The following AGBL1 variants were observed in gnomAD, a reference collection of about 807,000 sequenced individuals.
AGBL1 encodes cytosolic carboxypeptidase 4.
A neutral mutation model predicts 118.9 loss-of-function variants in AGBL1; 130 were observed. That is an observed-to-expected ratio of 1.09 (90% confidence interval 0.95 to 1.26). The LOEUF (loss-of-function observed/expected upper bound fraction) is 1.26. Among genes scored for constraint, AGBL1 ranks in the 50% most tolerant of loss-of-function variants. The probability of loss-of-function intolerance (pLI) is 0.00; values close to 1 mark genes in which losing one functional copy is unlikely to be tolerated. For missense variants in AGBL1, 1,584 were observed against 1,298.1 expected, an observed-to-expected ratio of 1.22 and a Z score of -3.38; for synonymous variants, 555 against 478.9, an observed-to-expected ratio of 1.16 and a Z score of -2.08.
intron 22 of AGBL1, among the ~76,000 whole-genome samples, chr15:86,885,668 T>C (rs2079959578): frequency 6.6e-6 from 1 of 152,180 alleles, no homozygotes; most frequent in Non-Finnish European, 1.5e-5. Flanking sequence ...CAATAAGATA[T>C]AGATAACTGT....
intron 22 of AGBL1, among the ~76,000 whole-genome samples, chr15:86,705,953 C>T (rs1251002934): frequency 6.8e-6 from 1 of 146,818 alleles, no homozygotes; most frequent in Non-Finnish European, 1.5e-5. Context: ...AACCATCTCT[C>T]TTACTTCATC....
At chr15:86,409,299 A>G (rs1245099728) in intron 18 of AGBL1, among the ~76,000 whole-genome samples, 1 of 152,222 alleles carries the variant, frequency 6.6e-6, no homozygotes, top group African/African-American at 2.4e-5. Flanking sequence ...AACACACTCA[A>G]TCTTTCTGAT....
Position 86,855,884 on chromosome 15 carries a change from G to A in AGBL1, c.3159-51203G>A, listed in dbSNP as rs922837658. On this transcript the variant is annotated intron_variant, in intron 22 of 22. Coordinates refer to ENST00000614907, the MANE Select transcript of AGBL1 (RefSeq NM_001386094.1). ...GATCTGCAGAGGGGTTCATCGTGTC[G>A]TCTTCTCTAGCAGCTCCTGATGAGA... 1.4e-4 allele frequency among the ~76,000 whole-genome samples: 22 copies of A among 152,240 alleles called. 1 individual carries two copies. Among genetic ancestry groups the A allele is most frequent in the Admixed American group, 1.1e-3 (17 of 15,298 alleles).
At chr15:87,003,292 G>A (rs56057540) in intron 24 of AGBL1, among the ~76,000 whole-genome samples, 3,034 of 152,100 alleles carry the variant, frequency 0.02, 48 homozygotes, top group Non-Finnish European at 0.033. Context: ...CTTGATTTGC[G>A]TATGTTGAAC....
intron 20 of AGBL1, among the ~76,000 whole-genome samples, chr15:86,547,654 G>A (rs546718366): frequency 6.6e-6 from 1 of 152,282 alleles, no homozygotes; most frequent in East Asian, 1.9e-4. Flanking sequence ...TTCTGCCTAT[G>A]AGAATAAGGA....
At position 87,007,783 on chromosome 15, in the gene AGBL1, G is replaced by C. The variant is rs376888641; in HGVS notation, c.3323+19695G>C. 1.1e-4 allele frequency among the ~76,000 whole-genome samples: 17 copies of C among 152,300 alleles called. 1 individual carries two copies. The highest frequency in any genetic ancestry group is 3.4e-3 in the Middle Eastern group (1 of 294). On this transcript the variant is annotated intron_variant, in intron 24 of 24. Coordinates refer to the AGBL1 transcript ENST00000441037. The stretch of plus-strand genomic sequence containing the variant: ...TACAGATTACCTCTGTGTATGCTTA[G>C]TCAATTCCTGGGCCTCAGATTTCTC...
At chr15:87,019,682 A>G (rs1272629743) in intron 24 of AGBL1, among the ~76,000 whole-genome samples, 1 of 152,140 alleles carries the variant, frequency 6.6e-6, no homozygotes, top group Non-Finnish European at 1.5e-5. Context: ...AAAAGTCTCA[A>G]GTTAACAACC....
At chr15:86,876,813 G>A (rs138635210) in intron 22 of AGBL1, among the ~76,000 whole-genome samples, 2 of 152,276 alleles carry the variant, frequency 1.3e-5, no homozygotes, top group Non-Finnish European at 2.9e-5. Flanking sequence ...GGCTGAGCAC[G>A]TGTACTTTGG....
intron 17 of AGBL1, among the ~76,000 whole-genome samples, chr15:86,341,306 G>A (rs899993765): frequency 6.6e-6 from 1 of 152,050 alleles, no homozygotes; most frequent in African/African-American, 2.4e-5. Flanking sequence ...CTTTTATGGG[G>A]GTCTTTTTGT....
At chr15:86,439,310 C>A (rs1166574923) in intron 18 of AGBL1, among the ~76,000 whole-genome samples, 2 of 152,124 alleles carry the variant, frequency 1.3e-5, no homozygotes, top group Non-Finnish European at 2.9e-5. Context: ...AAAACTCCAG[C>A]CGGTATAATT....
intron 22 of AGBL1, among the ~76,000 whole-genome samples, chr15:86,729,797 G>A (rs2141213182): frequency 6.6e-6 from 1 of 152,286 alleles, no homozygotes; most frequent in Non-Finnish European, 1.5e-5. Context: ...ACTCAGTAAT[G>A]GGATTGCTGG....
intron 1 of AGBL1, among the ~76,000 whole-genome samples, chr15:86,087,851 G>T (rs968659714): frequency 6.6e-6 from 1 of 152,230 alleles, no homozygotes; most frequent in African/African-American, 2.4e-5. Flanking sequence ...ATTGTCAATA[G>T]ATTTCCTCAG....
At chr15:86,107,185 G>T (rs1172493946) in intron 1 of AGBL1, among the ~76,000 whole-genome samples, 1 of 152,176 alleles carries the variant, frequency 6.6e-6, no homozygotes, top group African/African-American at 2.4e-5. Flanking sequence ...GTTCATGGGC[G>T]ACCACAGGAC....
intron 13 of AGBL1, among the ~76,000 whole-genome samples, chr15:86,268,638 A>G (rs1360478058): frequency 6.6e-6 from 1 of 152,214 alleles, no homozygotes; most frequent in African/African-American, 2.4e-5. Flanking sequence ...TGGAGAGAGC[A>G]CTGTGGGAAT....
rs545639138 is a variant in AGBL1 at position 86,721,194 on chromosome 15, A to C, written c.3158+46758A>C. On this transcript the variant is annotated intron_variant, in intron 22 of 22. Transcript: ENST00000614907. ...TACCAAAGCCTGGCAGAGACACAAC[A>C]AAAAAAAAGAATTTTAGACCAATAT... Among the ~76,000 whole-genome samples, 491 of 150,826 alleles carry C rather than the reference A, an allele frequency of 3.3e-3. 1 individual carries two copies. The highest frequency in any genetic ancestry group is 0.011 in the African/African-American group (460 of 40,890).
At chr15:86,214,196 T>C (rs2078147702) in intron 5 of AGBL1, among the ~76,000 whole-genome samples, 1 of 152,240 alleles carries the variant, frequency 6.6e-6, no homozygotes, top group Admixed American at 6.5e-5. Flanking sequence ...TTTTTGTTCA[T>C]CTATTGAATC....
At chr15:86,815,198 G>A (rs2078841706) in intron 22 of AGBL1, among the ~76,000 whole-genome samples, 2 of 152,152 alleles carry the variant, frequency 1.3e-5, no homozygotes, top group African/African-American at 4.8e-5. Context: ...AGTACTTTGT[G>A]CTCAGCAGAG....
chr15:86,593,341 G>A (rs2084363943), intron 21 of AGBL1, among the ~76,000 whole-genome samples: 2 of 150,372 alleles, frequency 1.3e-5, no homozygotes, highest in South Asian at 4.2e-4. Flanking sequence ...CAAGATCTGT[G>A]GATCTGGTGT....
chr15:86,441,848 A>G (rs553456665), intron 18 of AGBL1, among the ~76,000 whole-genome samples: 10 of 152,354 alleles, frequency 6.6e-5, no homozygotes, highest in African/African-American at 2.4e-4. Context: ...CTAGCCCAGC[A>G]GCCTGGTGTC....
Sources: allele counts gnomAD v4.1 joint callset (sites outside exome capture counted in the v4.1 genomes callset), GRCh38; gene constraint gnomAD v4.1.1; transcripts MANE v1.5; gene names NCBI Gene and HGNC (gene_info 2026-07-23, HGNC 2026-07-21).